PLCB1: variants seen among roughly 807,000 people sequenced by gnomAD.
PLCB1 encodes phospholipase C beta 1, also known as 1-phosphatidylinositol 4,5-bisphosphate phosphodiesterase beta-1.
PLCB1 carries 46 observed loss-of-function variants against 161.8 expected under a neutral mutation model. The ratio of observed to expected loss-of-function variants is 0.28; its 90% CI spans 0.22 to 0.36. The LOEUF (loss-of-function observed/expected upper bound fraction) is 0.36, where lower values mean the gene tolerates loss of function less well. Among genes scored for constraint, PLCB1 ranks in the 10% least tolerant of loss-of-function variants. The pLI, the probability that PLCB1 is intolerant of heterozygous loss-of-function variation, is 1.00. For missense variants in PLCB1, 1,016 were observed against 1,472.5 expected (o/e 0.69, Z 5.07); for synonymous variants, 517 against 503.7 (o/e 1.03, Z -0.35).
chr20:8,518,479 T>C (rs1310280479), intron 3 of PLCB1, among the ~76,000 whole-genome samples: 1 of 152,210 alleles, frequency 6.6e-6, no homozygotes, highest in Admixed American at 6.5e-5. Flanking sequence ...TATTCATTTC[T>C]ACTCTTTGCT....
chr20:8,651,584 C>T (rs181218966), intron 7 of PLCB1: 12 of 696,488 alleles, frequency 1.7e-5, no homozygotes, highest in Admixed American at 1.0e-4. Context: ...GTCCTGTCCC[C>T]GACTTCAACA....
At chr20:8,735,697 G>A (rs1239539489) in intron 19 of PLCB1, among the ~76,000 whole-genome samples, 1 of 152,140 alleles carries the variant, frequency 6.6e-6, no homozygotes, top group African/African-American at 2.4e-5. Context: ...ATTCCAAGTA[G>A]GACTTGCATA....
At chr20:8,285,340 A>T (rs1282845278) in intron 2 of PLCB1, among the ~76,000 whole-genome samples, 1 of 151,400 alleles carries the variant, frequency 6.6e-6, no homozygotes, top group African/African-American at 2.4e-5. Context: ...ATCTTTTGAA[A>T]TGTTTTTATT....
intron 3 of PLCB1, among the ~76,000 whole-genome samples, chr20:8,493,357 T>C (rs1168881521): frequency 6.6e-6 from 1 of 152,202 alleles, no homozygotes; most frequent in Admixed American, 6.5e-5. Flanking sequence ...AAATCTATCA[T>C]TGGTTAAAAT....
intron 31 of PLCB1, among the ~76,000 whole-genome samples, chr20:8,868,744 G>A (rs988730328): frequency 2.0e-5 from 3 of 152,102 alleles, no homozygotes; most frequent in South Asian, 4.2e-4. Context: ...TGATTCTTGC[G>A]CCTCAGCCTC....
chr20:8,726,726 A>G (rs972042478), intron 16 of PLCB1, among the ~76,000 whole-genome samples: 8 of 152,038 alleles, frequency 5.3e-5, no homozygotes, highest in Admixed American at 2.0e-4. Context: ...TTGTGTGGGG[A>G]CACACCCAAG....
At chr20:8,139,837 A>C (rs1049493480) in intron 1 of PLCB1, among the ~76,000 whole-genome samples, 1 of 152,190 alleles carries the variant, frequency 6.6e-6, no homozygotes, top group Non-Finnish European at 1.5e-5. Context: ...CTTATAATAC[A>C]AAATCTGGAC....
At chr20:8,750,134 A>G (rs540765806) in intron 23 of PLCB1, among the ~76,000 whole-genome samples, 1 of 152,190 alleles carries the variant, frequency 6.6e-6, no homozygotes, top group Non-Finnish European at 1.5e-5. Context: ...ACAAAATGAT[A>G]CCATGTGAAT....
At chr20:8,543,443 G>A (rs551053075) in intron 3 of PLCB1, among the ~76,000 whole-genome samples, 11 of 151,994 alleles carry the variant, frequency 7.2e-5, no homozygotes, top group Non-Finnish European at 1.2e-4. Flanking sequence ...GATCAGTGGC[G>A]GCCTGGCAAC....
rs566732466 is a variant in PLCB1 at position 8,252,283 on chromosome 20, G to C, written c.177+101912G>C. The stretch of plus-strand genomic sequence containing the variant: ...AGTCTCTGTATGCAAAGACAGCATG[G>C]CTCTTCTAGACTGTAATGAATAGCC... On this transcript the variant is annotated intron_variant, in intron 2 of 31. Coordinates refer to ENST00000338037, the MANE Select transcript of PLCB1 (RefSeq NM_015192.4). Among the ~76,000 whole-genome samples the C allele has an allele frequency of 2.0e-5, 3 of 152,028 alleles. No homozygotes were observed. In the East Asian group the frequency reaches 5.9e-4, roughly 30 times the overall value.
intron 3 of PLCB1, among the ~76,000 whole-genome samples, chr20:8,558,613 A>C (rs1460167756): frequency 1.3e-5 from 2 of 151,856 alleles, no homozygotes. Context: ...TAGGATAAAT[A>C]CAAAGACAGC....
At chr20:8,189,298 A>C (rs1057006756) in intron 2 of PLCB1, among the ~76,000 whole-genome samples, 1 of 149,758 alleles carries the variant, frequency 6.7e-6, no homozygotes, top group Admixed American at 6.7e-5. Flanking sequence ...GGATATGATA[A>C]TTTGTTTGAC....
chr20:8,255,851 C>T lies in PLCB1; in HGVS notation c.177+105480C>T, dbSNP rs182523439. On this transcript the variant is annotated intron_variant, in intron 2 of 31. Coordinates refer to ENST00000338037, the MANE Select transcript of PLCB1 (RefSeq NM_015192.4). The stretch of plus-strand genomic sequence containing the variant: ...TACATCATCATGATCCCCATAATGA[C>T]GTTTCAATCAGCGACGAACCACATA... 5.9e-5 allele frequency among the ~76,000 whole-genome samples: 9 copies of T among 152,104 alleles called. No homozygotes were observed. In the East Asian group the frequency reaches 9.7e-4, roughly 16 times the overall value.
chr20:8,558,991 T>A (rs1400151982), intron 3 of PLCB1, among the ~76,000 whole-genome samples: 1 of 151,974 alleles, frequency 6.6e-6, no homozygotes, highest in East Asian at 1.9e-4. Context: ...AACTTAAAGG[T>A]GTACAAAAGA....
At chr20:8,388,747 T>C (rs1987504769) in intron 3 of PLCB1, among the ~76,000 whole-genome samples, 1 of 152,154 alleles carries the variant, frequency 6.6e-6, no homozygotes, top group African/African-American at 2.4e-5. Flanking sequence ...ACTTATTGAA[T>C]GATCTGTGTG....
chr20:8,203,156 C>T (rs1227334664), intron 2 of PLCB1, among the ~76,000 whole-genome samples: 1 of 151,770 alleles, frequency 6.6e-6, no homozygotes, highest in African/African-American at 2.4e-5. Flanking sequence ...CATTTGGAAG[C>T]TGGAGAAAGT....
At chr20:8,826,495 CAA>C (rs5840291) in intron 31 of PLCB1, among the ~76,000 whole-genome samples, 4 of 123,082 alleles carry the variant, frequency 3.2e-5, no homozygotes, top group Admixed American at 1.6e-4. Context: ...GACTCCGTCT[CAA>C]AAAAAAAAAA....
Position 8,637,241 on chromosome 20 carries a change from A to G in PLCB1, c.384+8810A>G, listed in dbSNP as rs548508013. On this transcript the variant is annotated intron_variant, in intron 4 of 31. Coordinates refer to ENST00000338037, the MANE Select transcript of PLCB1 (RefSeq NM_015192.4). ...TAGTAGTTAAGCCAAATGATGCCCA[A>G]TGAAAAGCTGGCACTAAGGATTAAA... is the stretch of plus-strand genomic sequence containing the variant. Among the ~76,000 whole-genome samples the G allele has an allele frequency of 1.2e-3, 185 of 152,340 alleles. 1 individual carries two copies. The highest frequency in any genetic ancestry group is 2.5e-3 in the South Asian group (12 of 4,830).
At chr20:8,466,373 A>G (rs1381478119) in intron 3 of PLCB1, among the ~76,000 whole-genome samples, 3 of 150,772 alleles carry the variant, frequency 2.0e-5, no homozygotes, top group South Asian at 2.1e-4. Flanking sequence ...ACCTAATGCT[A>G]GATGACGAGT....
Sources: gnomAD v4.1 joint callset for allele counts (sites outside exome capture counted in the v4.1 genomes callset) on GRCh38, gnomAD v4.1.1 for gene constraint, MANE v1.5 for transcripts, NCBI Gene and HGNC (gene_info 2026-07-23, HGNC 2026-07-21) for gene names.